Variants in HELZ observed in about 807,000 individuals in gnomAD.
HELZ encodes helicase with zinc finger.
A neutral mutation model predicts 218.2 loss-of-function variants in HELZ; 23 were observed. That is an observed-to-expected ratio of 0.11 (90% CI 0.08 to 0.15). The LOEUF is 0.15. Among genes scored for constraint, HELZ ranks in the 10% least tolerant of loss-of-function variants. HELZ has a pLI of 1.00. For missense variants in HELZ, 1,813 were observed against 2,353.7 expected, an observed-to-expected ratio of 0.77 and a Z score of 4.75; for synonymous variants, 814 against 829.4, an observed-to-expected ratio of 0.98 and a Z score of 0.32.
chr17:67,085,211 G>A (rs2143570473), intron 32 of HELZ, among the ~76,000 whole-genome samples: 1 of 152,242 alleles, frequency 6.6e-6, no homozygotes, highest in East Asian at 1.9e-4. Flanking sequence ...TTGAGTCCAG[G>A]AGTTTGAGAC....
chr17:67,217,995 T>C (rs1598441877), intron 4 of HELZ, among the ~76,000 whole-genome samples: 1 of 150,938 alleles, frequency 6.6e-6, no homozygotes, highest in Non-Finnish European at 1.5e-5. Context: ...AGGGCAGTGG[T>C]GCAACCTCGG....
At chr17:67,201,037 A>G in intron 7 of HELZ, 92 bp downstream of exon 7, 1 of 960,408 alleles carries the variant, frequency 1.0e-6, no homozygotes, top group South Asian at 1.3e-5. Context: ...CTTCTGGCTG[A>G]TGCCACAATG....
At position 67,148,652 on chromosome 17, in the gene HELZ, G is replaced by A; in HGVS notation, c.2538C>T (p.Asp846=). ...RERNLHVSLL[D]RLYEHYPAEF... ...CAGCAGGGTAATGCTCATAGAGTCG[G>A]TCAAGTAATGAAACGTGAAGGTTTC... Residue 846 remains aspartate, a synonymous_variant, in exon 20 of 33, where the codon GAC becomes GAT. Transcript: ENST00000358691. 1 of 1,613,674 alleles carries A rather than the reference G, an allele frequency of 6.2e-7. No homozygotes were observed. The highest frequency in any genetic ancestry group is 8.5e-7 in the Non-Finnish European group (1 of 1,179,662).
chr17:67,178,022 T>C (rs1428267564), intron 13 of HELZ, among the ~76,000 whole-genome samples: 1 of 152,110 alleles, frequency 6.6e-6, no homozygotes, highest in African/African-American at 2.4e-5. Context: ...CTCCAGTTTA[T>C]CTAAAATATA....
chr17:67,192,134 G>A (rs187729137), intron 9 of HELZ, among the ~76,000 whole-genome samples: 43 of 151,952 alleles, frequency 2.8e-4, no homozygotes, highest in Admixed American at 1.8e-3. Flanking sequence ...CCCGGGAGGC[G>A]GAGGTTGCAG....
intron 28 of HELZ, among the ~76,000 whole-genome samples, chr17:67,112,806 G>C (rs183866788): frequency 1.3e-5 from 2 of 152,314 alleles, no homozygotes; most frequent in African/African-American, 4.8e-5. Flanking sequence ...TTAAGGACTA[G>C]AGACAGATGC....
intron 3 of HELZ, among the ~76,000 whole-genome samples, chr17:67,225,860 A>G (rs1271923294): frequency 6.6e-6 from 1 of 152,226 alleles, no homozygotes; most frequent in African/African-American, 2.4e-5. Flanking sequence ...AAAATTAAAC[A>G]TTTTTGTACC....
At chr17:67,147,764 G>A (rs1019140605) in intron 20 of HELZ, among the ~76,000 whole-genome samples, 2 of 151,456 alleles carry the variant, frequency 1.3e-5, no homozygotes. Context: ...TGGGTCTTAA[G>A]ACCCTCCACA....
At chr17:67,214,946 G>C (rs1311792999) in intron 5 of HELZ, among the ~76,000 whole-genome samples, 2 of 152,132 alleles carry the variant, frequency 1.3e-5, no homozygotes, top group Admixed American at 6.5e-5. Flanking sequence ...AGGAGTAAGA[G>C]ACCAGTCTGA....
At chr17:67,109,814 C>T (rs2037226226) in intron 28 of HELZ, 128 bp from the exon 29 acceptor site, 2 of 615,658 alleles carry the variant, frequency 3.2e-6, no homozygotes, top group African/African-American at 1.9e-5. Flanking sequence ...GAGCTGAGTG[C>T]TCAATTATTT....
At chr17:67,125,716 A>T (rs2037774237) in intron 24 of HELZ, among the ~76,000 whole-genome samples, 1 of 152,176 alleles carries the variant, frequency 6.6e-6, no homozygotes, top group African/African-American at 2.4e-5. Flanking sequence ...TGAATATGTT[A>T]TGTGGCAAAA....
chr17:67,071,804 A>G lies in HELZ; in HGVS notation c.*6448T>C, dbSNP rs2035892196. Reference sequence around the variant, plus strand: ...GACTTATGAATAATTCATGCTGTGTAGGTGGTAGATCCCCCTAGGCTGTTT... The same window carrying G: ...GACTTATGAATAATTCATGCTGTGTGGGTGGTAGATCCCCCTAGGCTGTTT... On this transcript the variant is annotated 3_prime_UTR_variant, in exon 33 of 33. Transcript: ENST00000358691. 6.6e-6 allele frequency: 1 copy of G among 152,606 alleles called. No homozygotes were observed. The highest frequency in any genetic ancestry group is 6.5e-5 in the Admixed American group (1 of 15,270). The allele number at this position is 152,606 out of a possible 1,614,324, so 9.5% of individuals were successfully genotyped here.
intron 3 of HELZ, among the ~76,000 whole-genome samples, chr17:67,233,433 T>C (rs1475613402): frequency 6.6e-6 from 1 of 152,192 alleles, no homozygotes; most frequent in African/African-American, 2.4e-5. Flanking sequence ...CTACTCTCTA[T>C]TGAGCACTGC....
chr17:67,075,817 CAT>C lies in HELZ; in HGVS notation c.*2433_*2434del, dbSNP rs1194089676. 1 of 152,566 alleles carries C rather than the reference CAT, an allele frequency of 6.6e-6. No homozygotes were observed. Among genetic ancestry groups the C allele is most frequent in the East Asian group, 1.9e-4 (1 of 5,196 alleles). The allele number at this position is 152,566 out of a possible 1,614,324, so 9.5% of individuals were successfully genotyped here. On this transcript the variant is annotated 3_prime_UTR_variant, in exon 33 of 33. Transcript: ENST00000358691. ...ATGGAAATAAGGAATGAGAAGTACT[CAT>C]ATACTCACAGCAGAGCGGTGGGCCA...
Position 67,232,871 on chromosome 17 carries a change from C to T in HELZ, c.-19+6562G>A, listed in dbSNP as rs376377489. Among the ~76,000 whole-genome samples, 140 of 152,282 alleles carry T rather than the reference C, an allele frequency of 9.2e-4. 1 individual carries two copies. In the East Asian group the frequency reaches 0.014, roughly 15 times the overall value. On this transcript the variant is annotated intron_variant, in intron 3 of 32. Coordinates refer to ENST00000358691, the MANE Select transcript of HELZ (RefSeq NM_014877.4). ...AGCCTGGGCTTGGCGCAGTGGCTCA[C>T]GCCTGTAATCCCAGCACTTTGGGAG...
chr17:67,150,434 T>A (rs1019774197), intron 18 of HELZ, among the ~76,000 whole-genome samples: 35 of 152,136 alleles, frequency 2.3e-4, no homozygotes, highest in African/African-American at 8.4e-4. Context: ...TGGCCCCAGA[T>A]TTGTACTGCT....
intron 15 of HELZ, among the ~76,000 whole-genome samples, chr17:67,164,650 G>A (rs1368906906): frequency 1.3e-5 from 2 of 151,876 alleles, no homozygotes; most frequent in African/African-American, 4.9e-5. Context: ...TAAAGATAAG[G>A]AGGCAAATAA....
At position 67,186,602 on chromosome 17, in the gene HELZ, G is replaced by A. The variant is rs186755729; in HGVS notation, c.1162+1717C>T. On this transcript the variant is annotated intron_variant, in intron 12 of 32. Transcript: ENST00000358691. Reference sequence around the variant, plus strand: ...CTAATTATCATGTTTTAATACTATCGTTCTTTTACATTTTACTGCAGACAT... The same window carrying A: ...CTAATTATCATGTTTTAATACTATCATTCTTTTACATTTTACTGCAGACAT... Among the ~76,000 whole-genome samples the A allele has an allele frequency of 8.2e-4, 124 of 152,034 alleles. 1 individual carries two copies. The highest frequency in any genetic ancestry group is 7.5e-4 in the Non-Finnish European group (51 of 67,978).
At chr17:67,107,888 T>C (rs189279877) in intron 30 of HELZ, among the ~76,000 whole-genome samples, 7 of 152,352 alleles carry the variant, frequency 4.6e-5, no homozygotes, top group East Asian at 3.8e-4. Flanking sequence ...ACCTGATTTC[T>C]TTCTGTTCCC....
Sources: allele counts gnomAD v4.1 joint callset (sites outside exome capture counted in the v4.1 genomes callset), GRCh38; gene constraint gnomAD v4.1.1; transcripts MANE v1.5; gene names NCBI Gene and HGNC (gene_info 2026-07-23, HGNC 2026-07-21).